The following GALNT18 variants were observed in gnomAD, a reference collection of about 807,000 sequenced individuals.
GALNT18 encodes the protein GalNAc-transferase 18.
A neutral mutation model predicts 69.5 loss-of-function variants in GALNT18; 44 were observed. That is an observed-to-expected ratio of 0.63 (90% CI 0.50 to 0.81). The LOEUF (loss-of-function observed/expected upper bound fraction) is 0.81. GALNT18 is among the 40% of genes least tolerant of loss of function. The pLI is 0.00. For missense variants in GALNT18, 715 were observed against 810.0 expected, an observed-to-expected ratio of 0.88 and a Z score of 1.42; for synonymous variants, 364 against 318.2, an observed-to-expected ratio of 1.14 and a Z score of -1.53.
In GALNT18 at chr11:11,461,563, C is replaced by G. The variant is rs373505479; in HGVS notation, c.236-12627G>C. ...CTGAAGCACATACCGTTATCCCCCCCGCTCCCGCCCGCCACCGAGCTGACA... is the reference window on the plus strand; with the variant it reads ...CTGAAGCACATACCGTTATCCCCCCGGCTCCCGCCCGCCACCGAGCTGACA... On this transcript the variant is annotated intron_variant, in intron 1 of 10. Coordinates refer to ENST00000227756, the MANE Select transcript of GALNT18 (RefSeq NM_198516.3). This position sits in a 1 kb window ranked among gnomAD's most constrained non-coding sequence, Gnocchi z 4.1. Among the ~76,000 whole-genome samples, 19 of 152,308 alleles carry G rather than the reference C, an allele frequency of 1.2e-4. No individual in the cohort carries two copies. Among genetic ancestry groups the G allele is most frequent in the Admixed American group, 6.5e-4 (10 of 15,308 alleles).
intron 4 of GALNT18, among the ~76,000 whole-genome samples, chr11:11,378,195 C>T (rs1434178547): frequency 6.6e-6 from 1 of 152,210 alleles, no homozygotes; most frequent in African/African-American, 2.4e-5. Flanking sequence ...ATGGCAGCAT[C>T]CAGGCCAGGC....
rs542535646 is a variant in GALNT18, at chr11:11,347,659, T to C, written c.1093-6655A>G. Reference sequence around the variant, plus strand: ...GCTCTTGGCAAACTGTTCCCACTGTTCTCTTAGCCCAGAAAGCCTCCTTCC... The same window carrying C: ...GCTCTTGGCAAACTGTTCCCACTGTCCTCTTAGCCCAGAAAGCCTCCTTCC... On this transcript the variant is annotated intron_variant, in intron 6 of 10. Coordinates refer to ENST00000227756, the MANE Select transcript of GALNT18 (RefSeq NM_198516.3). The surrounding 1 kb of genome is among the most constrained non-coding windows in gnomAD (Gnocchi z 4.0). Among the ~76,000 whole-genome samples the C allele has an allele frequency of 1.7e-4, 26 of 152,144 alleles. No individual in the cohort carries two copies. Among genetic ancestry groups the C allele is most frequent in the Non-Finnish European group, 2.9e-4 (20 of 68,028 alleles).
intron 10 of GALNT18, among the ~76,000 whole-genome samples, chr11:11,283,808 G>A (rs570282179): frequency 1.3e-5 from 2 of 152,156 alleles, no homozygotes; most frequent in Non-Finnish European, 2.9e-5. Flanking sequence ...GAGAGAAGCC[G>A]TAGCACACAG....
intron 7 of GALNT18, among the ~76,000 whole-genome samples, chr11:11,334,588 G>A (rs1370583510): frequency 6.6e-6 from 1 of 151,790 alleles, no homozygotes; most frequent in Non-Finnish European, 1.5e-5. Flanking sequence ...AAAAGAGATA[G>A]ATTCCTTTTT....
At chr11:11,545,633 G>A (rs549710447) in intron 1 of GALNT18, among the ~76,000 whole-genome samples, 3 of 152,330 alleles carry the variant, frequency 2.0e-5, no homozygotes, top group East Asian at 3.9e-4. Flanking sequence ...GGCAGCAGTT[G>A]CCACAGGACC....
In GALNT18 at chr11:11,605,888, A is replaced by C. The variant is rs1306690967; in HGVS notation, c.235+15471T>G. 6.6e-6 allele frequency among the ~76,000 whole-genome samples: 1 copy of C among 152,190 alleles called. No homozygotes were observed. Among genetic ancestry groups the C allele is most frequent in the Non-Finnish European group, 1.5e-5 (1 of 68,026 alleles). ...ATCCCTGGGAGAGCTCAGTGTGGAA[A>C]GCACACTGCACACACGCTCATGCGC... On this transcript the variant is annotated intron_variant, in intron 1 of 10. Transcript: ENST00000227756. This position sits in a 1 kb window ranked among gnomAD's most constrained non-coding sequence, Gnocchi z 4.7.
chr11:11,520,622 T>C (rs1214537113), intron 1 of GALNT18, among the ~76,000 whole-genome samples: 2 of 151,904 alleles, frequency 1.3e-5, no homozygotes, highest in East Asian at 1.9e-4. Flanking sequence ...GGACGCTGAG[T>C]AGGGAGAGCT....
intron 10 of GALNT18, among the ~76,000 whole-genome samples, chr11:11,281,348 A>G (rs555493006): frequency 1.8e-4 from 27 of 152,182 alleles, no homozygotes; most frequent in African/African-American, 5.1e-4. Flanking sequence ...AGGATGAGCC[A>G]GAGGACTGAT....
chr11:11,551,355 G>A (rs534734112), intron 1 of GALNT18, among the ~76,000 whole-genome samples: 28 of 152,086 alleles, frequency 1.8e-4, no homozygotes, highest in Admixed American at 1.4e-3. Flanking sequence ...ACAAGTTGGC[G>A]TTAAGACCAC....
At position 11,621,641 on chromosome 11, in the gene GALNT18, G is replaced by T; in HGVS notation, c.-48C>A. 7.0e-7 allele frequency: 1 copy of T among 1,429,678 alleles called. No individual in the cohort carries two copies. The highest frequency in any genetic ancestry group is 9.6e-7 in the Non-Finnish European group (1 of 1,042,048). The allele number at this position is 1,429,678 out of a possible 1,614,324, so 88.6% of individuals were successfully genotyped here. On this transcript the variant is annotated 5_prime_UTR_variant, in exon 1 of 11. Transcript: ENST00000227756. The surrounding 1 kb of genome is among the most constrained non-coding windows in gnomAD (Gnocchi z 9.3). ...GAGCTCCCGGGGGCCCTTCCTTGTC[G>T]TGCGCCCCGAACTCCCCCGCGCTCG...
intron 1 of GALNT18, among the ~76,000 whole-genome samples, chr11:11,609,420 G>T (rs537210812): frequency 6.6e-6 from 1 of 152,168 alleles, no homozygotes; most frequent in Non-Finnish European, 1.5e-5. Context: ...TACACAAGGC[G>T]CACACCTCAC....
chr11:11,611,628 A>T (rs913518535), intron 1 of GALNT18, among the ~76,000 whole-genome samples: 47 of 152,152 alleles, frequency 3.1e-4, no homozygotes, highest in Admixed American at 2.6e-4. Flanking sequence ...CAGTTTTAAA[A>T]CAGGGAAAGT....
chr11:11,304,130 A>G (rs908066072), intron 9 of GALNT18, among the ~76,000 whole-genome samples: 5 of 152,238 alleles, frequency 3.3e-5, no homozygotes, highest in African/African-American at 1.2e-4. Context: ...CCTGAAGCTA[A>G]GACACATTTA....
intron 1 of GALNT18, among the ~76,000 whole-genome samples, chr11:11,506,455 G>A (rs1564983809): frequency 6.6e-6 from 1 of 152,154 alleles, no homozygotes; most frequent in Non-Finnish European, 1.5e-5. Context: ...ATAGCTATGA[G>A]GGGGACAAGG....
intron 6 of GALNT18, among the ~76,000 whole-genome samples, chr11:11,351,021 C>T (rs865892076): frequency 3.9e-5 from 6 of 152,130 alleles, no homozygotes; most frequent in South Asian, 2.1e-4. Flanking sequence ...CTGCAGGCAC[C>T]AGTTTCCAGA....
At chr11:11,376,325 T>C (rs1853755845) in intron 5 of GALNT18, among the ~76,000 whole-genome samples, 1 of 152,094 alleles carries the variant, frequency 6.6e-6, no homozygotes. Flanking sequence ...GAGGTTTCAT[T>C]GAGCCGAGAT....
At chr11:11,544,675 C>A (rs1858007257) in intron 1 of GALNT18, among the ~76,000 whole-genome samples, 1 of 152,204 alleles carries the variant, frequency 6.6e-6, no homozygotes, top group Non-Finnish European at 1.5e-5. Flanking sequence ...TTAAGCCTCG[C>A]ATGCATTAGG....
At chr11:11,326,074 T>G (rs1849912801) in intron 9 of GALNT18, among the ~76,000 whole-genome samples, 1 of 139,862 alleles carries the variant, frequency 7.1e-6, no homozygotes, top group Admixed American at 7.6e-5. Flanking sequence ...AGACGGAATC[T>G]CGCTCTGTCG....
chr11:11,293,216 A>T (rs1472352901), intron 9 of GALNT18, 23 bp from the exon 10 acceptor site: 5 of 1,316,244 alleles, frequency 3.8e-6, no homozygotes, highest in East Asian at 5.6e-5. Context: ...GGAGGGAGAG[A>T]GTGTGGATAA....
Sources: gnomAD v4.1 joint callset for allele counts (sites outside exome capture counted in the v4.1 genomes callset) on GRCh38, gnomAD v4.1.1 for gene constraint, Gnocchi (gnomAD v3.1) non-coding constraint, MANE v1.5 for transcripts, NCBI Gene and HGNC (gene_info 2026-07-23, HGNC 2026-07-21) for gene names.